Variants in GPR20 observed in about 807,000 individuals in gnomAD.
GPR20 encodes the protein CTD-3064M3.3.
For synonymous variants in GPR20, 241 were observed against 241.9 expected (o/e 1.00, Z 0.04); for missense variants, 494 against 527.4 (o/e 0.94, Z 0.62).
intron 1 of GPR20, among the ~76,000 whole-genome samples, chr8:141,362,021 C>T (rs1284018473): frequency 6.6e-6 from 1 of 151,804 alleles, no homozygotes; most frequent in South Asian, 2.1e-4. Flanking sequence ...GCGGGGCTGC[C>T]GCTGGGTTGG....
chr8:141,359,348 G>A (rs961275727), intron 1 of GPR20, among the ~76,000 whole-genome samples: 8 of 152,196 alleles, frequency 5.3e-5, no homozygotes, highest in Non-Finnish European at 1.0e-4. Flanking sequence ...GCTTTCAGAG[G>A]GCCAGGTCCC....
At position 141,357,247 on chromosome 8, in the gene GPR20, G is replaced by C; in HGVS notation, c.677C>G (p.Pro226Arg). ...TGRIMCALSR[P>R]GLLHQGRQRR... is the part of the protein sequence containing the mutation. ...CTGGCGACCCTGGTGGAGCAGACCC[G>C]GCCGCGACAGTGCACACATGATGCG... The change falls in exon 2 of 2, where the codon CCG (proline) becomes CGG (arginine). Residue 226 changes from proline to arginine, a missense_variant. Pro to Arg is a moderately radical substitution (Grantham distance 103). Coordinates refer to ENST00000377741, the MANE Select transcript of GPR20 (RefSeq NM_005293.3). 6.5e-7 allele frequency: 1 copy of C among 1,545,712 alleles called. No individual in the cohort carries two copies. The highest frequency in any genetic ancestry group is 2.4e-5 in the East Asian group (1 of 41,218).
intron 1 of GPR20, among the ~76,000 whole-genome samples, chr8:141,359,683 T>TTG (rs1563706175): frequency 6.6e-6 from 1 of 152,058 alleles, no homozygotes; most frequent in Non-Finnish European, 1.5e-5. Context: ...GAGACGGGAT[T>TTG]TGGGGGCACA....
chr8:141,362,202 C>T (rs1030162403), intron 1 of GPR20, among the ~76,000 whole-genome samples: 2 of 152,216 alleles, frequency 1.3e-5, no homozygotes, highest in East Asian at 1.9e-4. Context: ...CTCTCCCTTT[C>T]GGCTTATTCA....
intron 1 of GPR20, among the ~76,000 whole-genome samples, chr8:141,364,641 C>T (rs896753225): frequency 2.0e-5 from 3 of 152,240 alleles, no homozygotes; most frequent in Admixed American, 6.5e-5. Context: ...CCCGACTCTG[C>T]CTCAGTTCCA....
chr8:141,366,112 C>T (rs537280663), intron 1 of GPR20, among the ~76,000 whole-genome samples: 4 of 152,342 alleles, frequency 2.6e-5, no homozygotes, highest in East Asian at 1.9e-4. Context: ...GAAGCCACCC[C>T]GTGGGCTCCA....
rs766191335 is a variant in GPR20, at chr8:141,357,631, G to A, written c.293C>T (p.Thr98Ile). The change falls in exon 2 of 2, where the codon ACC becomes ATC. Residue 98 changes from threonine to isoleucine, a missense_variant. Thr to Ile is a moderately conservative substitution (Grantham distance 89). Transcript: ENST00000377741. ...CAGGGACAGCCCTACCAGTAGATCG[G>A]TCACCACCAGGTTGATGGTGTAGAT... ...SVIYTINLVVTDLLVGLSLPT... is the reference protein window; with the variant it reads ...SVIYTINLVVIDLLVGLSLPT... 1.2e-6 allele frequency: 2 copies of A among 1,613,992 alleles called. No individual in the cohort carries two copies. Among genetic ancestry groups the A allele is most frequent in the South Asian group, 1.1e-5 (1 of 91,090 alleles).
intron 1 of GPR20, among the ~76,000 whole-genome samples, chr8:141,359,551 C>T (rs1404122927): frequency 6.6e-6 from 1 of 152,212 alleles, no homozygotes; most frequent in Non-Finnish European, 1.5e-5. Context: ...GGCCCAGGCT[C>T]AGCTCCCAGC....
intron 1 of GPR20, among the ~76,000 whole-genome samples, chr8:141,366,795 T>C (rs1419627746): frequency 6.6e-6 from 1 of 152,214 alleles, no homozygotes; most frequent in African/African-American, 2.4e-5. Context: ...TGTCCCTGGC[T>C]TGGCCTGTGG....
rs144763017 is a variant in GPR20 at position 141,358,782 on chromosome 8, A to G, written c.-24-835T>C. On this transcript the variant is annotated intron_variant, in intron 1 of 1. Transcript: ENST00000377741. ...CTGGCCCTGAGAGGCGGGCACCCCT[A>G]TGATCCCCCCAAACTACAGAAAAGG... 5.3e-5 allele frequency among the ~76,000 whole-genome samples: 8 copies of G among 152,290 alleles called. No homozygotes were observed. In the East Asian group the frequency reaches 1.5e-3, roughly 29 times the overall value.
chr8:141,359,131 G>A (rs1437979440), intron 1 of GPR20, among the ~76,000 whole-genome samples: 1 of 152,098 alleles, frequency 6.6e-6, no homozygotes, highest in Non-Finnish European at 1.5e-5. Flanking sequence ...GGAGGCTCGT[G>A]GGCCGTTTCT....
At chr8:141,359,127 T>C (rs966845167) in intron 1 of GPR20, among the ~76,000 whole-genome samples, 1 of 152,048 alleles carries the variant, frequency 6.6e-6, no homozygotes, top group African/African-American at 2.4e-5. Context: ...GTGGGGAGGC[T>C]CGTGGGCCGT....
chr8:141,366,727 G>T (rs575262627), intron 1 of GPR20, among the ~76,000 whole-genome samples: 1 of 152,318 alleles, frequency 6.6e-6, no homozygotes, highest in East Asian at 1.9e-4. Context: ...CCCCAGCTGC[G>T]GGGTGGTGGT....
intron 1 of GPR20, among the ~76,000 whole-genome samples, chr8:141,364,557 C>T (rs1404137389): frequency 6.6e-6 from 1 of 152,186 alleles, no homozygotes; most frequent in Non-Finnish European, 1.5e-5. Flanking sequence ...CTCCCTCCAC[C>T]CCAGTGCAGA....
At chr8:141,358,574 C>T (rs987953175) in intron 1 of GPR20, among the ~76,000 whole-genome samples, 4 of 152,230 alleles carry the variant, frequency 2.6e-5, no homozygotes, top group Non-Finnish European at 5.9e-5. Flanking sequence ...CCTGTCCCCA[C>T]ACCCACCGTC....
chr8:141,361,964 C>T (rs1831741126), intron 1 of GPR20, among the ~76,000 whole-genome samples: 1 of 152,210 alleles, frequency 6.6e-6, no homozygotes, highest in South Asian at 2.1e-4. Flanking sequence ...GGAGGATGTC[C>T]CTCATGCCCT....
Position 141,357,185 on chromosome 8 carries a change from G to C in GPR20, c.739C>G (p.Leu247Val), listed in dbSNP as rs753005726. 1 of 1,595,522 alleles carries C rather than the reference G, an allele frequency of 6.3e-7. No homozygotes were observed. Among genetic ancestry groups the C allele is most frequent in the South Asian group, 1.1e-5 (1 of 89,872 alleles). Reference sequence around the variant, plus strand: ...GTGAAGCAGACGAGAAAGATGATGAGCACCGTGAGCAGGAGCTGCATGGCC... The same window carrying C: ...GTGAAGCAGACGAGAAAGATGATGACCACCGTGAGCAGGAGCTGCATGGCC... ...VRAMQLLLTVLIIFLVCFTPF... is the reference protein window; with the variant it reads ...VRAMQLLLTVVIIFLVCFTPF... Residue 247 changes from leucine (L) to valine (V), a missense_variant, in exon 2 of 2, where the codon CTC (leucine) becomes GTC (valine). By Grantham distance (32) the Leu-to-Val change is conservative (BLOSUM62 1). Transcript: ENST00000377741.
rs1485652295 is a variant in GPR20, at chr8:141,357,073, G to A, written c.851C>T (p.Thr284Ile). 6.2e-7 allele frequency: 1 copy of A among 1,612,554 alleles called. No homozygotes were observed. The highest frequency in any genetic ancestry group is 8.5e-7 in the Non-Finnish European group (1 of 1,179,666). The change falls in exon 2 of 2, where the codon ACC becomes ATC. Residue 284 changes from threonine (T) to isoleucine (I), a missense_variant. By Grantham distance (89) the Thr-to-Ile change is moderately conservative. Coordinates refer to ENST00000377741, the MANE Select transcript of GPR20 (RefSeq NM_005293.3). ...CATGCAGCTGTTGAGGCTGCTGAGG[G>A]TCACGGCCACGTGGTAGACCACGAG... ...TSLVVYHVAV[T>I]LSSLNSCMDP...
In GPR20 at chr8:141,357,083, C is replaced by T. The variant is rs202236530; in HGVS notation, c.841G>A (p.Val281Met). 29 of 1,612,622 alleles carry T rather than the reference C, an allele frequency of 1.8e-5. No homozygotes were observed. The African/African-American group carries it at 1.9e-4, about 10-fold the overall frequency. The change falls in exon 2 of 2, where the codon GTG (valine) becomes ATG (methionine). Residue 281 changes from valine to methionine, a missense_variant. Coordinates refer to ENST00000377741, the MANE Select transcript of GPR20 (RefSeq NM_005293.3). ...PHHTSLVVYHVAVTLSSLNSC... is the reference protein window; with the variant it reads ...PHHTSLVVYHMAVTLSSLNSC... Reference sequence around the variant, plus strand: ...TTGAGGCTGCTGAGGGTCACGGCCACGTGGTAGACCACGAGGCTCGTGTGG... The same window carrying T: ...TTGAGGCTGCTGAGGGTCACGGCCATGTGGTAGACCACGAGGCTCGTGTGG...
Sources: allele counts gnomAD v4.1 joint callset (sites outside exome capture counted in the v4.1 genomes callset), GRCh38; gene constraint gnomAD v4.1.1; transcripts MANE v1.5; gene names NCBI Gene and HGNC (gene_info 2026-07-23, HGNC 2026-07-21).